SCFD2: variants seen among roughly 807,000 people sequenced by gnomAD.
SCFD2 encodes sec1 family domain-containing protein 2.
In SCFD2, 54 loss-of-function variants were observed where a neutral mutation model predicts 58.9. The ratio of observed to expected loss-of-function variants is 0.92; its 90% confidence interval spans 0.74 to 1.15. SCFD2 has a LOEUF of 1.15. Among genes scored for constraint, SCFD2 ranks in the 50% most tolerant of loss-of-function variants. The pLI, the probability that SCFD2 is intolerant of heterozygous loss-of-function variation, is 0.00. For missense variants in SCFD2, 805 were observed against 836.6 expected, an observed-to-expected ratio of 0.96 and a Z score of 0.47; for synonymous variants, 321 against 335.9, an observed-to-expected ratio of 0.96 and a Z score of 0.49.
Position 53,356,837 on chromosome 4 carries a change from C to T in SCFD2, c.839-4071G>A, listed in dbSNP as rs561106366. Among the ~76,000 whole-genome samples the T allele has an allele frequency of 7.3e-5, 11 of 150,798 alleles. No individual in the cohort carries two copies. In the Middle Eastern group the frequency reaches 0.014, roughly 188 times the overall value. Reference sequence around the variant, plus strand: ...CTGCAAGCTCCACCTCCTCGGTTCACGCCATTCTCCTGCCTCAGCCTCCGG... The same window carrying T: ...CTGCAAGCTCCACCTCCTCGGTTCATGCCATTCTCCTGCCTCAGCCTCCGG... On this transcript the variant is annotated intron_variant, in intron 1 of 8. Coordinates refer to ENST00000401642, the MANE Select transcript of SCFD2 (RefSeq NM_152540.4).
intron 5 of SCFD2, among the ~76,000 whole-genome samples, chr4:53,112,466 A>G (rs1262743519): frequency 6.6e-6 from 1 of 152,146 alleles, no homozygotes; most frequent in Non-Finnish European, 1.5e-5. Context: ...AGAACAGTTA[A>G]GTCATGACAT....
At chr4:53,297,342 T>C (rs552408628) in intron 3 of SCFD2, among the ~76,000 whole-genome samples, 1 of 152,346 alleles carries the variant, frequency 6.6e-6, no homozygotes, top group Admixed American at 6.5e-5. Flanking sequence ...CATATATATT[T>C]ACTATAGTTA....
At chr4:53,063,702 T>A (rs1723578142) in intron 5 of SCFD2, among the ~76,000 whole-genome samples, 1 of 152,240 alleles carries the variant, frequency 6.6e-6, no homozygotes, top group South Asian at 2.1e-4. Context: ...TATAACTGAA[T>A]AAGCTTCACT....
chr4:53,267,934 T>A (rs1297755682), intron 4 of SCFD2, among the ~76,000 whole-genome samples: 1 of 152,238 alleles, frequency 6.6e-6, no homozygotes. Context: ...AGAAAGATTA[T>A]CATTCTCAGG....
chr4:53,305,226 A>G (rs1001483658), intron 3 of SCFD2, among the ~76,000 whole-genome samples: 3 of 152,144 alleles, frequency 2.0e-5, no homozygotes, highest in African/African-American at 7.2e-5. Flanking sequence ...TGCCAACGCC[A>G]GTGTCAGAGA....
intron 5 of SCFD2, among the ~76,000 whole-genome samples, chr4:52,936,065 G>A (rs960050631): frequency 3.9e-5 from 6 of 152,038 alleles, no homozygotes; most frequent in African/African-American, 9.7e-5. Flanking sequence ...TCAAACTCCC[G>A]ACCTCAGATG....
intron 5 of SCFD2, among the ~76,000 whole-genome samples, chr4:52,921,195 C>A (rs941518660): frequency 6.6e-6 from 1 of 152,086 alleles, no homozygotes; most frequent in Admixed American, 6.5e-5. Context: ...CCTCGGAACA[C>A]GACTTTGGGA....
At chr4:53,315,862 G>T (rs1373601290) in intron 2 of SCFD2, among the ~76,000 whole-genome samples, 2 of 152,150 alleles carry the variant, frequency 1.3e-5, no homozygotes, top group Non-Finnish European at 2.9e-5. Flanking sequence ...ATCACAGTAA[G>T]TTAGGTAACG....
At chr4:53,229,158 C>T (rs189772645) in intron 4 of SCFD2, among the ~76,000 whole-genome samples, 3 of 152,054 alleles carry the variant, frequency 2.0e-5, no homozygotes, top group Admixed American at 2.0e-4. Flanking sequence ...ATGCTCATGG[C>T]TAGGAAGAAT....
chr4:53,218,589 T>C (rs1031267499), intron 4 of SCFD2, among the ~76,000 whole-genome samples: 2 of 152,222 alleles, frequency 1.3e-5, no homozygotes, highest in African/African-American at 2.4e-5. Context: ...GGGTTTGCAC[T>C]TCCTACTTTA....
At chr4:52,885,674 A>G (rs1718721378) in intron 8 of SCFD2, 73 bp downstream of exon 8, 1 of 1,567,976 alleles carries the variant, frequency 6.4e-7, no homozygotes, top group Admixed American at 1.7e-5. Flanking sequence ...TGGGACCCAT[A>G]GGTGGAGGGC....
At position 53,319,183 on chromosome 4, in the gene SCFD2, G is replaced by C. The variant is rs898480222; in HGVS notation, c.1008-5420C>G. 6.6e-5 allele frequency among the ~76,000 whole-genome samples: 10 copies of C among 152,206 alleles called. 1 individual carries two copies. The highest frequency in any genetic ancestry group is 6.5e-4 in the Admixed American group (10 of 15,284). On this transcript the variant is annotated intron_variant, in intron 2 of 8. Coordinates refer to ENST00000401642, the MANE Select transcript of SCFD2 (RefSeq NM_152540.4). ...CACAAAGGACAGGATGGAATGGAGT[G>C]AAGAGTAAAGTAGATCCACATTAAT...
intron 5 of SCFD2, among the ~76,000 whole-genome samples, chr4:52,983,356 C>T (rs1409403056): frequency 6.6e-6 from 1 of 152,070 alleles, no homozygotes; most frequent in Admixed American, 6.6e-5. Context: ...TTAAGTGTTT[C>T]CAAGAGAAGG....
At chr4:53,320,887 A>G (rs1339444169) in intron 2 of SCFD2, among the ~76,000 whole-genome samples, 1 of 152,236 alleles carries the variant, frequency 6.6e-6, no homozygotes, top group African/African-American at 2.4e-5. Flanking sequence ...CATGGTTTCA[A>G]AAGACATAAA....
chr4:52,919,969 T>C (rs1177180599), intron 6 of SCFD2, among the ~76,000 whole-genome samples: 1 of 152,184 alleles, frequency 6.6e-6, no homozygotes, highest in Non-Finnish European at 1.5e-5. Context: ...TTCCCCACAG[T>C]TAAACTTAGT....
chr4:53,338,575 C>CTTTTTTTTTTTT lies in SCFD2; in HGVS notation c.1007+14011_1007+14022dup, dbSNP rs56263068. Among the ~76,000 whole-genome samples the CTTTTTTTTTTTT allele has an allele frequency of 2.2e-3, 160 of 72,312 alleles. 30 individuals carry two copies. The highest frequency in any genetic ancestry group is 2.7e-3 in the Non-Finnish European group (108 of 40,638). The allele number at this position is 72,312 out of a possible 152,430, so 47.4% of individuals were successfully genotyped here. A position where few individuals can be genotyped will look rare whatever the true frequency, so the allele number is the denominator to read the frequency against. On this transcript the variant is annotated intron_variant, in intron 2 of 8. Transcript: ENST00000401642. ...GGCCAAAAGAAAGCAGTATATTTTT[C>CTTTTTTTTTTTT]TTTTTTTTTTTTTTTTTTTTTGTGA...
intron 7 of SCFD2, among the ~76,000 whole-genome samples, chr4:52,891,765 T>G (rs1265636909): frequency 2.0e-5 from 3 of 152,272 alleles, no homozygotes; most frequent in African/African-American, 4.8e-5. Context: ...AAGGTTTCCA[T>G]GCTGCTAGAG....
At chr4:52,906,003 T>G (rs115349500) in intron 7 of SCFD2, among the ~76,000 whole-genome samples, 3,001 of 152,346 alleles carry the variant, frequency 0.02, 35 homozygotes, top group Non-Finnish European at 0.03. Flanking sequence ...CAATCAAATT[T>G]GTTATTTAAG....
At position 53,139,459 on chromosome 4, in the gene SCFD2, C is replaced by T. The variant is rs1195643430; in HGVS notation, c.1561+5874G>A. On this transcript the variant is annotated intron_variant, in intron 5 of 8. Transcript: ENST00000401642. ...GAGTGTCTCTGCCCCGCCGCCACCCCGTCTGGGAGGTGAGGAGCGTCTCTG... is the reference window on the plus strand; with the variant it reads ...GAGTGTCTCTGCCCCGCCGCCACCCTGTCTGGGAGGTGAGGAGCGTCTCTG... Among the ~76,000 whole-genome samples the T allele has an allele frequency of 1.2e-4, 16 of 134,650 alleles. 1 individual carries two copies. Among genetic ancestry groups the T allele is most frequent in the Admixed American group, 1.2e-3 (16 of 13,548 alleles). 88.3% of individuals were successfully genotyped at this position (134,650 alleles called of 152,430 possible).
Sources: allele counts gnomAD v4.1 joint callset (sites outside exome capture counted in the v4.1 genomes callset), GRCh38; gene constraint gnomAD v4.1.1; transcripts MANE v1.5; gene names NCBI Gene and HGNC (gene_info 2026-07-23, HGNC 2026-07-21).